The following USP54 variants were observed in gnomAD, a reference collection of about 807,000 sequenced individuals.
USP54 encodes the protein ubiquitin carboxyl-terminal hydrolase 54.
USP54 carries 87 observed loss-of-function variants against 170.5 expected under a neutral mutation model. The observed-to-expected ratio is 0.51, with a 90% CI of 0.43 to 0.61. USP54 has a LOEUF of 0.61. Among genes scored for constraint, USP54 ranks in the 20% least tolerant of loss-of-function variants. USP54 has a pLI of 0.00. For synonymous variants in USP54, 655 were observed against 742.8 expected (o/e 0.88, Z 1.92); for missense variants, 1,786 against 2,047.8 (o/e 0.87, Z 2.47).
intron 4 of USP54, among the ~76,000 whole-genome samples, chr10:73,562,145 G>T (rs2073222259): frequency 6.6e-6 from 1 of 151,926 alleles, no homozygotes; most frequent in African/African-American, 2.4e-5. Flanking sequence ...CAATCTCCAT[G>T]CTAGAATTCA....
At chr10:73,604,621 C>T (rs1488743655) in intron 1 of USP54, among the ~76,000 whole-genome samples, 2 of 143,078 alleles carry the variant, frequency 1.4e-5, no homozygotes, top group Admixed American at 1.5e-4. Flanking sequence ...GACAGAGTCT[C>T]GCATTGTTGC....
Position 73,529,726 on chromosome 10 carries a change from G to C in USP54, c.2014C>G (p.Pro672Ala), listed in dbSNP as rs1218485888. The change falls in exon 15 of 24, where the codon CCT (proline) becomes GCT (alanine). Residue 672 changes from proline (P) to alanine (A), a missense_variant. By Grantham distance (27) the Pro-to-Ala change is conservative. Coordinates refer to ENST00000687698, the MANE Select transcript of USP54 (RefSeq NM_001391956.1). Reference protein sequence around the residue: ...YESSERNSSSPVSLDAALPES... With the variant: ...YESSERNSSSAVSLDAALPES... ...GGCAGGGCTGCATCCAGGCTGACAG[G>C]GCTGCTGCTGTTCCTCTCACTGCTT... 2 of 1,613,826 alleles carry C rather than the reference G, an allele frequency of 1.2e-6. No individual in the cohort carries two copies. Among genetic ancestry groups the C allele is most frequent in the Non-Finnish European group, 1.7e-6 (2 of 1,179,862 alleles).
chr10:73,584,001 G>T (rs913224891), intron 1 of USP54, among the ~76,000 whole-genome samples: 5 of 152,116 alleles, frequency 3.3e-5, no homozygotes, highest in Non-Finnish European at 7.4e-5. Context: ...ATTCACTGAA[G>T]AAGATGGAAC....
intron 1 of USP54, among the ~76,000 whole-genome samples, chr10:73,584,292 G>C (rs2077224976): frequency 6.6e-6 from 1 of 152,148 alleles, no homozygotes; most frequent in Admixed American, 6.5e-5. Context: ...GGAGGCTGAG[G>C]CAGGAGAATT....
At chr10:73,616,895 G>A (rs980085584) in intron 1 of USP54, among the ~76,000 whole-genome samples, 1 of 150,408 alleles carries the variant, frequency 6.6e-6, no homozygotes, top group African/African-American at 2.5e-5. Context: ...TGATACAAAA[G>A]AAAAACTAAA....
chr10:73,574,339 T>C (rs1057383877), intron 3 of USP54, among the ~76,000 whole-genome samples: 1 of 152,094 alleles, frequency 6.6e-6, no homozygotes, highest in Non-Finnish European at 1.5e-5. Flanking sequence ...AGGAGATAAG[T>C]TGGACAAAGA....
chr10:73,600,829 G>A (rs992368748), intron 1 of USP54, among the ~76,000 whole-genome samples: 5 of 152,232 alleles, frequency 3.3e-5, no homozygotes, highest in Admixed American at 6.5e-5. Context: ...CAGGAGAATC[G>A]CTTGAACCCG....
At chr10:73,510,838 G>A (rs1448400947) in intron 20 of USP54, among the ~76,000 whole-genome samples, 1 of 152,118 alleles carries the variant, frequency 6.6e-6, no homozygotes, top group Non-Finnish European at 1.5e-5. Context: ...GATGATGTCT[G>A]CCCAAGTTCA....
At chr10:73,618,015 A>G (rs759854396) in intron 1 of USP54, among the ~76,000 whole-genome samples, 30 of 150,540 alleles carry the variant, frequency 2.0e-4, no homozygotes, top group Non-Finnish European at 1.2e-4. Context: ...GTTCGAGACC[A>G]GCCTGGCCGA....
intron 19 of USP54, chr10:73,519,062 C>T (rs1033975844): frequency 6.6e-6 from 1 of 150,560 alleles, no homozygotes; most frequent in East Asian, 2.0e-4. Flanking sequence ...GAACATTGAA[C>T]CCAGGAGGTT....
upstream of USP54, among the ~76,000 whole-genome samples, chr10:73,594,554 A>G (rs2078567972): frequency 6.6e-6 from 1 of 151,856 alleles, no homozygotes; most frequent in African/African-American, 2.4e-5. Context: ...ACAGGTGTGT[A>G]CAACCAGACC....
At chr10:73,509,078 G>A (rs1225226228) in intron 20 of USP54, among the ~76,000 whole-genome samples, 3 of 143,758 alleles carry the variant, frequency 2.1e-5, no homozygotes, top group Non-Finnish European at 4.5e-5. Flanking sequence ...TAAATGGAGG[G>A]GGAAAAAACA....
At chr10:73,574,018 A>G (rs1012601247) in intron 3 of USP54, among the ~76,000 whole-genome samples, 2 of 152,204 alleles carry the variant, frequency 1.3e-5, no homozygotes, top group African/African-American at 4.8e-5. Flanking sequence ...AGTGAAGCTA[A>G]TATTTTACCC....
chr10:73,588,736 T>C (rs1243220393), intron 1 of USP54, among the ~76,000 whole-genome samples: 1 of 152,220 alleles, frequency 6.6e-6, no homozygotes, highest in Non-Finnish European at 1.5e-5. Context: ...CCCCTGCACA[T>C]TTCCAACCTC....
rs199669359 is a variant in USP54 at position 73,521,017 on chromosome 10, G to A, written c.2373C>T (p.Asp791=). 1.5e-4 allele frequency: 240 copies of A among 1,613,838 alleles called. No individual in the cohort carries two copies. The highest frequency in any genetic ancestry group is 2.2e-4 in the Admixed American group (13 of 60,010). Residue 791 remains aspartate (D), a synonymous_variant, in exon 18 of 24, where the codon GAC becomes GAT. Coordinates refer to ENST00000687698, the MANE Select transcript of USP54 (RefSeq NM_001391956.1). ...CCTCTTGCAGGGACCTCTCAAAGCC[G>A]TCACTCCTCCCTGAAAGGGCCAGCA... ...LDELQNQGRS[D]GFERSLQEAE...
chr10:73,501,455 C>A (rs188577297), intron 22 of USP54, among the ~76,000 whole-genome samples: 2 of 152,046 alleles, frequency 1.3e-5, no homozygotes, highest in Non-Finnish European at 2.9e-5. Context: ...AAAATTGAAC[C>A]AAAATCCTTC....
At chr10:73,621,271 T>C (rs1408495106) in intron 1 of USP54, among the ~76,000 whole-genome samples, 1 of 148,620 alleles carries the variant, frequency 6.7e-6, no homozygotes, top group Non-Finnish European at 1.5e-5. Flanking sequence ...TATAAAAACA[T>C]GTGACACATA....
chr10:73,516,804 G>A lies in USP54; in HGVS notation c.3622C>T (p.Leu1208Phe), dbSNP rs2133285629. The A allele has an allele frequency of 6.2e-7, 1 of 1,614,210 alleles. No homozygotes were observed. Among genetic ancestry groups the A allele is most frequent in the Non-Finnish European group, 8.5e-7 (1 of 1,180,042 alleles). Residue 1208 changes from leucine (L) to phenylalanine (F), a missense_variant, in exon 20 of 24, where the codon CTT becomes TTT. Leu to Phe is a conservative substitution (Grantham distance 22). This residue lies in a region of USP54 where 1,418 missense variants were observed against 1,569.0 expected (regional missense o/e 0.90). Coordinates refer to ENST00000687698, the MANE Select transcript of USP54 (RefSeq NM_001391956.1). ...SWEESTEHSSLALNSGLPNGE... is the reference protein window; with the variant it reads ...SWEESTEHSSFALNSGLPNGE... ...TTAGGCAGCCCAGAGTTTAAGGCAA[G>A]AGAAGAATGTTCAGTGGACTCTTCC... is the stretch of plus-strand genomic sequence containing the variant.
chr10:73,614,352 G>T (rs1192442580), intron 1 of USP54, among the ~76,000 whole-genome samples: 1 of 150,168 alleles, frequency 6.7e-6, no homozygotes, highest in African/African-American at 2.5e-5. Context: ...TTGAGGTCAG[G>T]AGTTCGAGAC....
Sources: allele counts gnomAD v4.1 joint callset (sites outside exome capture counted in the v4.1 genomes callset), GRCh38; gene constraint gnomAD v4.1.1; regional missense constraint gnomAD v4.1.1; transcripts MANE v1.5; gene names NCBI Gene and HGNC (gene_info 2026-07-23, HGNC 2026-07-21).